Variants in GMDS observed in about 807,000 individuals in gnomAD.
GMDS encodes GDP-mannose 4,6 dehydratase.
In GMDS, 20 loss-of-function variants were observed where a neutral mutation model predicts 49.9. The observed-to-expected ratio is 0.40, with a 90% CI of 0.28 to 0.58. The LOEUF is 0.58. Ranked by LOEUF, GMDS falls within the 20% of genes least tolerant of loss-of-function variation. The pLI, the probability that GMDS is intolerant of heterozygous loss-of-function variation, is 0.42. For missense variants in GMDS, 362 were observed against 481.4 expected, an observed-to-expected ratio of 0.75 and a Z score of 2.32; for synonymous variants, 177 against 178.6, an observed-to-expected ratio of 0.99 and a Z score of 0.07.
chr6:1,686,006 G>A (rs980715959), intron 9 of GMDS, among the ~76,000 whole-genome samples: 1 of 152,248 alleles, frequency 6.6e-6, no homozygotes, highest in South Asian at 2.1e-4. Context: ...AGCACAGGCC[G>A]TGGAGTCATT....
At chr6:2,029,524 C>T (rs1768825931) in intron 4 of GMDS, among the ~76,000 whole-genome samples, 1 of 152,216 alleles carries the variant, frequency 6.6e-6, no homozygotes. Context: ...ATTATGTCTG[C>T]ATTGACAGGA....
At chr6:1,699,251 G>C (rs1765456363) in intron 9 of GMDS, among the ~76,000 whole-genome samples, 1 of 152,054 alleles carries the variant, frequency 6.6e-6, no homozygotes, top group African/African-American at 2.4e-5. Flanking sequence ...TTTATGTTTT[G>C]AGGTTGCAAA....
At chr6:1,758,495 T>G (rs1265005601) in intron 7 of GMDS, among the ~76,000 whole-genome samples, 1 of 152,222 alleles carries the variant, frequency 6.6e-6, no homozygotes, top group African/African-American at 2.4e-5. Context: ...AATGTAGTGC[T>G]GCAGAGGGGG....
chr6:1,824,450 T>C (rs999324575), intron 7 of GMDS, among the ~76,000 whole-genome samples: 1 of 152,184 alleles, frequency 6.6e-6, no homozygotes, highest in African/African-American at 2.4e-5. Flanking sequence ...TCACATTCCC[T>C]GAATACGTCC....
intron 4 of GMDS, among the ~76,000 whole-genome samples, chr6:2,062,477 G>A (rs1040534660): frequency 5.3e-5 from 8 of 152,054 alleles, no homozygotes; most frequent in African/African-American, 1.9e-4. Flanking sequence ...GTGGATATTT[G>A]TGAAGATGCC....
chr6:1,929,831 T>G (rs1449167055), intron 7 of GMDS, among the ~76,000 whole-genome samples: 1 of 152,234 alleles, frequency 6.6e-6, no homozygotes, highest in African/African-American at 2.4e-5. Flanking sequence ...TTTTTCCATC[T>G]ATCTATCCAT....
chr6:1,789,525 CTTTTTTCTTTTTTTTT>C (rs988436122), intron 7 of GMDS, among the ~76,000 whole-genome samples: 26 of 112,764 alleles, frequency 2.3e-4, no homozygotes, highest in African/African-American at 1.1e-3. Context: ...TTTTCTTTTT[CTTTTTTCTTTTTTTTT>C]TTTTTTTTTT....
intron 7 of GMDS, among the ~76,000 whole-genome samples, chr6:1,770,354 G>A (rs1212104238): frequency 6.6e-6 from 1 of 152,244 alleles, no homozygotes; most frequent in Non-Finnish European, 1.5e-5. Flanking sequence ...AATTTTGCAT[G>A]TGTTTACTGA....
At chr6:1,889,725 C>G (rs1017236257) in intron 7 of GMDS, among the ~76,000 whole-genome samples, 2 of 152,196 alleles carry the variant, frequency 1.3e-5, no homozygotes, top group African/African-American at 4.8e-5. Context: ...GTTTAGAATA[C>G]TTCATCACCC....
chr6:1,738,552 A>G (rs1767138395), intron 8 of GMDS, among the ~76,000 whole-genome samples: 1 of 152,266 alleles, frequency 6.6e-6, no homozygotes, highest in African/African-American at 2.4e-5. Flanking sequence ...GGGAAGAGAC[A>G]GCAGAGCTTA....
intron 9 of GMDS, among the ~76,000 whole-genome samples, chr6:1,683,370 G>GCCCA: frequency 6.6e-6 from 1 of 152,146 alleles, no homozygotes. Context: ...TGATTTGTCC[G>GCCCA]CCTCGGCCTC....
At chr6:2,019,266 C>T (rs1446268769) in intron 4 of GMDS, among the ~76,000 whole-genome samples, 7 of 151,638 alleles carry the variant, frequency 4.6e-5, no homozygotes, top group Admixed American at 4.6e-4. Context: ...AGTTTAACTT[C>T]TTCCTTTCCA....
intron 4 of GMDS, among the ~76,000 whole-genome samples, chr6:2,001,809 T>C (rs1420548613): frequency 6.6e-6 from 1 of 152,118 alleles, no homozygotes; most frequent in African/African-American, 2.4e-5. Context: ...TTTCAACAAA[T>C]GGTGCACGGA....
intron 4 of GMDS, among the ~76,000 whole-genome samples, chr6:2,076,161 C>G (rs1772324875): frequency 6.6e-6 from 1 of 152,118 alleles, no homozygotes. Flanking sequence ...AGCCCTTTGT[C>G]AGATGCGTAG....
intron 7 of GMDS, among the ~76,000 whole-genome samples, chr6:1,897,149 G>A (rs142636957): frequency 6.8e-4 from 104 of 152,242 alleles, no homozygotes; most frequent in African/African-American, 2.4e-3. Flanking sequence ...AGATCAAGAC[G>A]CCACAGGTTT....
chr6:1,760,791 CT>C (rs1768127943), intron 7 of GMDS, among the ~76,000 whole-genome samples: 1 of 152,206 alleles, frequency 6.6e-6, no homozygotes, highest in African/African-American at 2.4e-5. Context: ...AATCATTCTT[CT>C]TTTAATTTTT....
chr6:1,972,914 C>T (rs886566662), intron 4 of GMDS, among the ~76,000 whole-genome samples: 4 of 152,136 alleles, frequency 2.6e-5, no homozygotes, highest in Non-Finnish European at 5.9e-5. Flanking sequence ...TGGTTTTATA[C>T]CTCTAAAAAC....
In GMDS at chr6:2,124,861, A is replaced by G. The variant is rs1205265214; in HGVS notation, c.103-130T>C. The G allele has an allele frequency of 4.5e-6, 3 of 673,814 alleles. No homozygotes were observed. The Admixed American group carries it at 7.0e-5, about 16-fold the overall frequency. 41.7% of individuals were successfully genotyped at this position (673,814 alleles called of 1,614,324 possible). On this transcript the variant is annotated intron_variant, in intron 1 of 10. Transcript: ENST00000380815. ...AGGACAATGGCAACCTAAAATAAAA[A>G]TAACACCAATAATGTCAATAAATAC...
At chr6:1,899,555 A>T (rs1350980839) in intron 7 of GMDS, among the ~76,000 whole-genome samples, 1 of 151,990 alleles carries the variant, frequency 6.6e-6, no homozygotes, top group East Asian at 1.9e-4. Flanking sequence ...ATGAACCAAG[A>T]GAGAAAGCCG....
Sources: gnomAD v4.1 joint callset for allele counts (sites outside exome capture counted in the v4.1 genomes callset) on GRCh38, gnomAD v4.1.1 for gene constraint, MANE v1.5 for transcripts, NCBI Gene and HGNC (gene_info 2026-07-23, HGNC 2026-07-21) for gene names.